The following XKR9 variants were observed in gnomAD, a reference collection of about 807,000 sequenced individuals.
XKR9 encodes the protein XK related 9.
XKR9 carries 32 observed loss-of-function variants against 32.0 expected under a neutral mutation model. That is an observed-to-expected ratio of 1.00 (90% CI 0.76 to 1.34). The LOEUF (loss-of-function observed/expected upper bound fraction) is 1.34. Among genes scored for constraint, XKR9 ranks in the 40% most tolerant of loss-of-function variants. The pLI, the probability that XKR9 is intolerant of heterozygous loss-of-function variation, is 0.00. For synonymous variants in XKR9, 168 were observed against 143.4 expected, an observed-to-expected ratio of 1.17 and a Z score of -1.22; for missense variants, 546 against 429.7, an observed-to-expected ratio of 1.27 and a Z score of -2.39.
At chr8:70,923,415 TC>T in the XKR9 span, among the ~76,000 whole-genome samples, 1 of 152,234 alleles carries the variant, frequency 6.6e-6, no homozygotes, top group Admixed American at 6.5e-5. Context: ...CAATGAGCCA[TC>T]CCCCAAGTCT....
the XKR9 span, among the ~76,000 whole-genome samples, chr8:70,795,939 C>T: frequency 6.6e-6 from 1 of 152,248 alleles, no homozygotes; most frequent in African/African-American, 2.4e-5. Context: ...TGTCTGTTCA[C>T]TCAACATTTG....
chr8:70,900,154 C>A, the XKR9 span, among the ~76,000 whole-genome samples: 1 of 151,242 alleles, frequency 6.6e-6, no homozygotes, highest in South Asian at 2.1e-4. Context: ...GTTCATGTTT[C>A]TTTAGAAAGG....
At chr8:70,954,391 C>T in the XKR9 span, among the ~76,000 whole-genome samples, 2 of 152,326 alleles carry the variant, frequency 1.3e-5, no homozygotes, top group Middle Eastern at 3.4e-3. Context: ...CACGTAGGTG[C>T]ATAACAGTGT....
the XKR9 span, among the ~76,000 whole-genome samples, chr8:71,007,600 G>A: frequency 2.0e-5 from 3 of 151,184 alleles, no homozygotes; most frequent in Admixed American, 1.3e-4. Flanking sequence ...AGGGGTCAAA[G>A]GTGAAAAAAC....
At chr8:70,875,442 A>C in the XKR9 span, among the ~76,000 whole-genome samples, 3 of 152,188 alleles carry the variant, frequency 2.0e-5, no homozygotes, top group Non-Finnish European at 4.4e-5. Context: ...TTCTCTTCAC[A>C]AGGAACTTCT....
rs963298760 is a variant in XKR9 at position 70,735,510 on chromosome 8, T to C, written c.*1086T>C. 1.3e-5 allele frequency: 2 copies of C among 151,582 alleles called. No individual in the cohort carries two copies. Among genetic ancestry groups the C allele is most frequent in the Non-Finnish European group, 2.9e-5 (2 of 67,896 alleles). The allele number at this position is 151,582 out of a possible 1,614,324, so 9.4% of individuals were successfully genotyped here. A position where few individuals can be genotyped will look rare whatever the true frequency, so the allele number is the denominator to read the frequency against. ...TAAGGTTTAGGGTACATGTGCACAA[T>C]GTGCAGGTTAGTTACATATGTATAC... On this transcript the variant is annotated 3_prime_UTR_variant, in exon 5 of 5. Coordinates refer to ENST00000408926, the MANE Select transcript of XKR9 (RefSeq NM_001011720.2).
chr8:70,679,518 C>T (rs1266349660), intron 2 of XKR9, among the ~76,000 whole-genome samples: 1 of 152,118 alleles, frequency 6.6e-6, no homozygotes, highest in Non-Finnish European at 1.5e-5. Flanking sequence ...AACATTGAGA[C>T]CCAGCTGTTG....
chr8:70,701,189 C>G (rs1426547734), intron 3 of XKR9, among the ~76,000 whole-genome samples: 1 of 152,202 alleles, frequency 6.6e-6, no homozygotes, highest in African/African-American at 2.4e-5. Flanking sequence ...GTGTGCTGCA[C>G]TCACTGTCCT....
At chr8:70,763,326 A>C (rs1424424337) in intron 2 of XKR9, among the ~76,000 whole-genome samples, 2 of 151,958 alleles carry the variant, frequency 1.3e-5, no homozygotes, top group East Asian at 3.9e-4. Flanking sequence ...ATGTTTGTGG[A>C]CTCTTTTGGC....
At chr8:70,991,497 T>A in the XKR9 span, among the ~76,000 whole-genome samples, 1 of 152,214 alleles carries the variant, frequency 6.6e-6, no homozygotes, top group Non-Finnish European at 1.5e-5. Context: ...AGAAAAAAAC[T>A]CATTCATGGA....
the XKR9 span, among the ~76,000 whole-genome samples, chr8:70,925,857 T>A: frequency 6.6e-6 from 1 of 152,094 alleles, no homozygotes; most frequent in African/African-American, 2.4e-5. Context: ...GAAACAAATA[T>A]TTATAACAAA....
the XKR9 span, among the ~76,000 whole-genome samples, chr8:70,984,055 T>A: frequency 6.6e-6 from 1 of 152,074 alleles, no homozygotes; most frequent in African/African-American, 2.4e-5. Context: ...ATATATGAAA[T>A]TATCTTTATT....
the XKR9 span, among the ~76,000 whole-genome samples, chr8:71,047,245 A>G: frequency 1.3e-5 from 2 of 152,228 alleles, no homozygotes; most frequent in Non-Finnish European, 2.9e-5. Flanking sequence ...TAAAGATTCT[A>G]GTGTCCTGTC....
At chr8:70,806,776 A>T in the XKR9 span, among the ~76,000 whole-genome samples, 536 of 152,278 alleles carry the variant, frequency 3.5e-3, 3 homozygotes, top group South Asian at 0.019. Context: ...ATAAAAAGAC[A>T]AAACCTACTA....
chr8:70,718,775 T>A (rs1806176089), intron 4 of XKR9, among the ~76,000 whole-genome samples: 1 of 152,204 alleles, frequency 6.6e-6, no homozygotes, highest in African/African-American at 2.4e-5. Flanking sequence ...AGTGCTGCAA[T>A]AAACATACAT....
the XKR9 span, among the ~76,000 whole-genome samples, chr8:70,812,734 A>G: frequency 6.6e-6 from 1 of 152,216 alleles, no homozygotes; most frequent in Non-Finnish European, 1.5e-5. Flanking sequence ...CCAACTCACA[A>G]GGGATATGAA....
At chr8:70,976,841 C>G in the XKR9 span, among the ~76,000 whole-genome samples, 1 of 152,112 alleles carries the variant, frequency 6.6e-6, no homozygotes, top group Non-Finnish European at 1.5e-5. Context: ...GTGAATCTGT[C>G]TGGTCCTGGA....
chr8:70,781,832 TA>T lies in XKR9; in HGVS notation n.353-7503del, dbSNP rs1310314457. On this transcript the variant is annotated intron_variant and non_coding_transcript_variant, in intron 2 of 3. Transcript: ENST00000520273. ...TCTCAAAAAGTGTGTTCTGAAAAAA[TA>T]AAAGAAAGATTAGTTCCATAAAATA... 1.0e-3 allele frequency among the ~76,000 whole-genome samples: 154 copies of T among 152,188 alleles called. 2 individuals are homozygous for T. The highest frequency in any genetic ancestry group is 3.5e-3 in the African/African-American group (144 of 41,516).
chr8:70,972,409 G>T, the XKR9 span, among the ~76,000 whole-genome samples: 1 of 152,050 alleles, frequency 6.6e-6, no homozygotes, highest in Non-Finnish European at 1.5e-5. Context: ...ATAATCAGCA[G>T]ACAATGATGG....
Sources: allele counts gnomAD v4.1 joint callset (sites outside exome capture counted in the v4.1 genomes callset), GRCh38; gene constraint gnomAD v4.1.1; transcripts MANE v1.5; gene names NCBI Gene and HGNC (gene_info 2026-07-23, HGNC 2026-07-21).